Variants in PELI2 observed in about 807,000 individuals in gnomAD.
PELI2 encodes E3 ubiquitin-protein ligase pellino homolog 2.
PELI2 carries 23 observed loss-of-function variants against 42.3 expected under a neutral mutation model. That is an observed-to-expected ratio of 0.54 (90% CI 0.39 to 0.77). The LOEUF (loss-of-function observed/expected upper bound fraction) is 0.77. Ranked by LOEUF, PELI2 falls within the 30% of genes least tolerant of loss-of-function variation. PELI2 has a pLI of 0.00. For synonymous variants in PELI2, 245 were observed against 212.2 expected, an observed-to-expected ratio of 1.15 and a Z score of -1.34; for missense variants, 463 against 553.2, an observed-to-expected ratio of 0.84 and a Z score of 1.64.
chr14:56,274,796 C>T lies in PELI2; in HGVS notation c.208-4880C>T, dbSNP rs371509642. On this transcript the variant is annotated intron_variant, in intron 2 of 5. Transcript: ENST00000267460. ...AGCTGAGAAGAAAATACTTGACTCA[C>T]ATCTGGTCTGGGCATCTGGGATTGC... 2.6e-5 allele frequency among the ~76,000 whole-genome samples: 4 copies of T among 152,314 alleles called. No individual in the cohort carries two copies. The East Asian group carries it at 7.7e-4, about 29-fold the overall frequency.
chr14:56,154,362 C>T (rs1884472039), intron 1 of PELI2, among the ~76,000 whole-genome samples: 2 of 152,144 alleles, frequency 1.3e-5, no homozygotes, highest in Non-Finnish European at 2.9e-5. Flanking sequence ...ATTGTAATCT[C>T]CAGGTGCTGA....
chr14:56,124,725 C>T (rs960467491), intron 1 of PELI2, among the ~76,000 whole-genome samples: 2 of 152,156 alleles, frequency 1.3e-5, no homozygotes, highest in African/African-American at 2.4e-5. Flanking sequence ...TTAGCAGGGT[C>T]CCCTAGCCAT....
chr14:56,239,545 A>G (rs1009135511), intron 2 of PELI2, among the ~76,000 whole-genome samples: 2 of 152,128 alleles, frequency 1.3e-5, no homozygotes, highest in Admixed American at 6.5e-5. Context: ...TAATTACAAC[A>G]TATTTGTAAG....
chr14:56,279,749 CA>C lies in PELI2; in HGVS notation c.282del (p.His95MetfsTer98). 6.3e-7 allele frequency: 1 copy of C among 1,591,358 alleles called. No homozygotes were observed. Among genetic ancestry groups the C allele is most frequent in the Non-Finnish European group, 8.6e-7 (1 of 1,159,956 alleles). Reference protein sequence around the residue: ...SRNQTVVVEYTHDKDTDMFQV... With the variant: ...SRNQTVVVEYXHDKDTDMFQV... ...AATCAGACTGTGGTGGTGGAGTACA[CA>C]CATGATAAGGATACGGATATGTTTC... On this transcript the variant is annotated frameshift_variant, in exon 3 of 6. Transcript: ENST00000267460. LOFTEE classifies it high-confidence loss of function.
At chr14:56,173,082 G>T (rs1348067201) in intron 1 of PELI2, among the ~76,000 whole-genome samples, 1 of 152,090 alleles carries the variant, frequency 6.6e-6, no homozygotes, top group Non-Finnish European at 1.5e-5. Context: ...AGGCCCCAGG[G>T]TTATAATTTC....
chr14:56,165,512 T>G (rs755777971), intron 1 of PELI2, among the ~76,000 whole-genome samples: 4 of 152,204 alleles, frequency 2.6e-5, no homozygotes, highest in Non-Finnish European at 5.9e-5. Flanking sequence ...TAATGTGGTC[T>G]ATCCTTGAGA....
chr14:56,129,850 G>C (rs1020392642), intron 1 of PELI2, among the ~76,000 whole-genome samples: 25 of 152,170 alleles, frequency 1.6e-4, no homozygotes, highest in Non-Finnish European at 3.4e-4. Flanking sequence ...TCCCATTGCT[G>C]GAGAAAAGAG....
chr14:56,127,124 T>A (rs985710215), intron 1 of PELI2, among the ~76,000 whole-genome samples: 1 of 152,184 alleles, frequency 6.6e-6, no homozygotes, highest in Non-Finnish European at 1.5e-5. Context: ...TCTGCAAGTC[T>A]TTTTGCATTT....
At chr14:56,165,221 G>C (rs148593799) in intron 1 of PELI2, among the ~76,000 whole-genome samples, 1 of 151,920 alleles carries the variant, frequency 6.6e-6, no homozygotes, top group Non-Finnish European at 1.5e-5. Flanking sequence ...TTGGTATGTT[G>C]TATTTCCATC....
intron 2 of PELI2, among the ~76,000 whole-genome samples, chr14:56,261,367 A>C (rs1345794224): frequency 6.6e-6 from 1 of 152,036 alleles, no homozygotes; most frequent in African/African-American, 2.4e-5. Flanking sequence ...TTCGATTTGC[A>C]CAGTACCATT....
chr14:56,292,370 T>C (rs1384294393), intron 5 of PELI2, among the ~76,000 whole-genome samples: 1 of 152,220 alleles, frequency 6.6e-6, no homozygotes, highest in Admixed American at 6.5e-5. Context: ...GAGAACAGTT[T>C]TTGTCTGTCT....
rs549385499 is a variant in PELI2, at chr14:56,273,273, G to A, written c.208-6403G>A. ...CTTCTTGGAGCCTAGTGGCATGTAC[G>A]TAGTCAGGCTTCTTGCCCACAGCTG... On this transcript the variant is annotated intron_variant, in intron 2 of 5. Coordinates refer to ENST00000267460, the MANE Select transcript of PELI2 (RefSeq NM_021255.3). The surrounding 1 kb of genome is among the most constrained non-coding windows in gnomAD (Gnocchi z 4.3). Among the ~76,000 whole-genome samples, 3 of 152,322 alleles carry A rather than the reference G, an allele frequency of 2.0e-5. No homozygotes were observed. Among genetic ancestry groups the A allele is most frequent in the South Asian group, 2.1e-4 (1 of 4,828 alleles).
At chr14:56,249,008 T>C (rs385141) in intron 2 of PELI2, among the ~76,000 whole-genome samples, 47,279 of 152,026 alleles carry the variant, frequency 0.31, 7,901 homozygotes, top group African/African-American at 0.44. Context: ...TGTGTTTCCG[T>C]TGGGCCTTTC....
At chr14:56,255,232 A>T (rs1273368240) in intron 2 of PELI2, among the ~76,000 whole-genome samples, 4 of 152,234 alleles carry the variant, frequency 2.6e-5, no homozygotes, top group Admixed American at 2.6e-4. Flanking sequence ...ACTTGGAACC[A>T]ACCCAAATGC....
intron 2 of PELI2, among the ~76,000 whole-genome samples, chr14:56,262,858 A>C (rs1888761080): frequency 6.6e-6 from 1 of 152,200 alleles, no homozygotes; most frequent in Non-Finnish European, 1.5e-5. Flanking sequence ...AGAATGTAAA[A>C]GTTTTAATAT....
chr14:56,172,935 G>A (rs145553684), intron 1 of PELI2, among the ~76,000 whole-genome samples: 126 of 152,264 alleles, frequency 8.3e-4, no homozygotes, highest in African/African-American at 2.9e-3. Flanking sequence ...CCTTATGCTT[G>A]TGACAAAGAA....
intron 2 of PELI2, among the ~76,000 whole-genome samples, chr14:56,226,372 A>C (rs1272615593): frequency 6.6e-6 from 1 of 152,178 alleles, no homozygotes; most frequent in Non-Finnish European, 1.5e-5. Flanking sequence ...TCTTGGATGT[A>C]TTCCTTGCTG....
chr14:56,219,325 AATTCTTAAAC>A lies in PELI2; in HGVS notation c.207+40862_207+40871del, dbSNP rs1887038764. ...AACTGAAAGAGGAGATCCCCCTCTT[AATTCTTAAAC>A]TATTTTTAAAATGAATGTTGACTTT... On this transcript the variant is annotated intron_variant, in intron 2 of 5. Transcript: ENST00000267460. The surrounding 1 kb of genome is among the most constrained non-coding windows in gnomAD (Gnocchi z 4.1). Among the ~76,000 whole-genome samples, 1 of 152,140 alleles carries A rather than the reference AATTCTTAAAC, an allele frequency of 6.6e-6. No individual in the cohort carries two copies.
intron 2 of PELI2, among the ~76,000 whole-genome samples, chr14:56,216,265 G>A (rs2139738867): frequency 6.6e-6 from 1 of 152,344 alleles, no homozygotes; most frequent in East Asian, 1.9e-4. Context: ...AAATACATGT[G>A]TGATTGTAGT....
Sources: gnomAD v4.1 joint callset for allele counts (sites outside exome capture counted in the v4.1 genomes callset) on GRCh38, gnomAD v4.1.1 for gene constraint, Gnocchi (gnomAD v3.1) non-coding constraint, MANE v1.5 for transcripts, NCBI Gene and HGNC (gene_info 2026-07-23, HGNC 2026-07-21) for gene names.